Variants in ERAL1 observed in about 807,000 individuals in gnomAD.
The protein encoded by ERAL1 is Era like 12S mitochondrial rRNA chaperone 1.
ERAL1 carries 36 observed loss-of-function variants against 53.6 expected under a neutral mutation model. The ratio of observed to expected loss-of-function variants is 0.67; its 90% confidence interval spans 0.51 to 0.89. The LOEUF is 0.89. Among genes scored for constraint, ERAL1 ranks in the 40% least tolerant of loss-of-function variants. The pLI, the probability that ERAL1 is intolerant of heterozygous loss-of-function variation, is 0.00. For missense variants in ERAL1, 512 were observed against 537.5 expected (o/e 0.95, Z 0.47); for synonymous variants, 215 against 211.8 (o/e 1.02, Z -0.13).
rs1331264074 is a variant in ERAL1, at chr17:28,855,070, T to A, written c.36T>A (p.Val12=). Residue 12 remains valine, a synonymous_variant, in exon 1 of 10, where the codon GTT becomes GTA. Coordinates refer to ENST00000254928, the MANE Select transcript of ERAL1 (RefSeq NM_005702.4). ...AAPSWRGARL[V]QSVLRVWQVG... is the part of the protein sequence containing the mutation. ...CCAGCTGGCGCGGGGCTAGGCTTGT[T>A]CAATCGGTGTTAAGAGTCTGGCAGG... 1.2e-6 allele frequency: 2 copies of A among 1,612,150 alleles called. No homozygotes were observed. The highest frequency in any genetic ancestry group is 1.7e-6 in the Non-Finnish European group (2 of 1,178,648).
Position 28,856,582 on chromosome 17 carries a change from G to T in ERAL1, c.489G>T (p.Val163=), listed in dbSNP as rs757377363. Residue 163 remains valine (V), a splice_region_variant and synonymous_variant, in exon 3 of 10, where the codon GTG becomes GTT. Coordinates refer to ENST00000254928, the MANE Select transcript of ERAL1 (RefSeq NM_005702.4). ...TCATCACAGAGAAGGAGACCCAGGTGGTGGGTACCTACAAAGGGAGTCCTT... is the reference window on the plus strand; with the variant it reads ...TCATCACAGAGAAGGAGACCCAGGTTGTGGGTACCTACAAAGGGAGTCCTT... The part of the protein sequence containing the change: ...LGVITEKETQ[V]ILLDTPGIIS... 2 of 1,613,978 alleles carry T rather than the reference G, an allele frequency of 1.2e-6. No individual in the cohort carries two copies. Among genetic ancestry groups the T allele is most frequent in the Non-Finnish European group, 8.5e-7 (1 of 1,179,892 alleles).
intron 3 of ERAL1, among the ~76,000 whole-genome samples, chr17:28,857,257 G>A (rs572806561): frequency 4.6e-5 from 7 of 151,446 alleles, no homozygotes; most frequent in African/African-American, 1.2e-4. Flanking sequence ...ACAGGCATGC[G>A]CCACCACGCC....
At chr17:28,857,577 A>T (rs1428855208) in intron 3 of ERAL1, among the ~76,000 whole-genome samples, 1 of 151,404 alleles carries the variant, frequency 6.6e-6, no homozygotes, top group Non-Finnish European at 1.5e-5. Flanking sequence ...ATCACTTGAG[A>T]TCAGGAGTTC....
At chr17:28,857,867 GT>G in intron 3 of ERAL1, 71 bp from the exon 4 acceptor site, 1 of 1,534,994 alleles carries the variant, frequency 6.5e-7, no homozygotes, top group Non-Finnish European at 9.0e-7. Flanking sequence ...GACATCACAG[GT>G]AGCCTCTCTC....
In ERAL1 at chr17:28,860,773, C is replaced by G. The variant is rs1044866617; in HGVS notation, c.*220C>G. Reference sequence around the variant, plus strand: ...TTAGCTCAGTTTCCAGGTGGTTCCTCTGCCTGGCACCACAGCTACAAAGGT... The same window carrying G: ...TTAGCTCAGTTTCCAGGTGGTTCCTGTGCCTGGCACCACAGCTACAAAGGT... On this transcript the variant is annotated 3_prime_UTR_variant, in exon 10 of 10. Transcript: ENST00000254928. 1 of 392,980 alleles carries G rather than the reference C, an allele frequency of 2.5e-6. No homozygotes were observed. Among genetic ancestry groups the G allele is most frequent in the Non-Finnish European group, 4.4e-6 (1 of 224,906 alleles). 24.3% of individuals were successfully genotyped at this position (392,980 alleles called of 1,614,324 possible). A position where few individuals can be genotyped will look rare whatever the true frequency, so the allele number is the denominator to read the frequency against.
chr17:28,860,279 C>T lies in ERAL1; in HGVS notation c.1192-152C>T. 7.1e-6 allele frequency: 6 copies of T among 841,126 alleles called. No individual in the cohort carries two copies. In the East Asian group the frequency reaches 1.0e-4, roughly 14 times the overall value. The allele number at this position is 841,126 out of a possible 1,614,324, so 52.1% of individuals were successfully genotyped here. ...GGCGTGAGCCACTGCGCCCGGCCACCCTCTCTTTTTTTTAAAGAGGGGTCG... is the reference window on the plus strand; with the variant it reads ...GGCGTGAGCCACTGCGCCCGGCCACTCTCTCTTTTTTTTAAAGAGGGGTCG... On this transcript the variant is annotated intron_variant, in intron 9 of 9. Coordinates refer to ENST00000254928, the MANE Select transcript of ERAL1 (RefSeq NM_005702.4).
At position 28,859,272 on chromosome 17, in the gene ERAL1, G is replaced by A; in HGVS notation, c.1180G>A (p.Glu394Lys). Residue 394 changes from glutamate (E) to lysine (K), a missense_variant, in exon 9 of 10, where the codon GAA (glutamate) becomes AAA (lysine). Glu to Lys is a moderately conservative substitution (Grantham distance 56). Transcript: ENST00000254928. The stretch of plus-strand genomic sequence containing the variant: ...CCAACAGAAGCTTCTGGTGCCCAAA[G>A]AATCTTATGTGGTAAGTGAGACTAG... Reference protein sequence around the residue: ...VIQQKLLVPKESYVKLLIGPK... With the variant: ...VIQQKLLVPKKSYVKLLIGPK... 6.2e-7 allele frequency: 1 copy of A among 1,614,146 alleles called. No individual in the cohort carries two copies. The highest frequency in any genetic ancestry group is 1.7e-5 in the Admixed American group (1 of 60,014).
At chr17:28,860,400 C>T in intron 9 of ERAL1, 31 bp from the exon 10 acceptor site, 2 of 1,609,470 alleles carry the variant, frequency 1.2e-6, no homozygotes, top group Non-Finnish European at 1.7e-6. Context: ...TGCCATCATT[C>T]CTGGCTTCCT....
Position 28,860,633 on chromosome 17 carries a change from C to T in ERAL1, c.*80C>T. 2 of 1,478,076 alleles carry T rather than the reference C, an allele frequency of 1.4e-6. No homozygotes were observed. Among genetic ancestry groups the T allele is most frequent in the Non-Finnish European group, 1.8e-6 (2 of 1,116,432 alleles). 91.6% of individuals were successfully genotyped at this position (1,478,076 alleles called of 1,614,324 possible). A position where few individuals can be genotyped will look rare whatever the true frequency, so the allele number is the denominator to read the frequency against. On this transcript the variant is annotated 3_prime_UTR_variant, in exon 10 of 10. Coordinates refer to ENST00000254928, the MANE Select transcript of ERAL1 (RefSeq NM_005702.4). Reference sequence around the variant, plus strand: ...GACCAGTTCTGTCCTTGGCTGGGGACCCTCCAGGCACTGGTGAGAGACATG... The same window carrying T: ...GACCAGTTCTGTCCTTGGCTGGGGATCCTCCAGGCACTGGTGAGAGACATG...
intron 1 of ERAL1, 49 bp from the exon 2 acceptor site, chr17:28,856,215 G>A (rs1284556891): frequency 6.2e-7 from 1 of 1,607,332 alleles, no homozygotes; most frequent in Admixed American, 1.7e-5. Flanking sequence ...GCACTTGACA[G>A]GAAATCCAGA....
chr17:28,857,855 C>T, intron 3 of ERAL1, 84 bp from the exon 4 acceptor site: 1 of 1,476,098 alleles, frequency 6.8e-7, no homozygotes, highest in Non-Finnish European at 9.5e-7. Flanking sequence ...GGGCAGGCTC[C>T]TGACATCACA....
Position 28,855,091 on chromosome 17 carries a change from G to T in ERAL1, c.57G>T (p.Trp19Cys), listed in dbSNP as rs751959320. The T allele has an allele frequency of 6.8e-6, 11 of 1,614,148 alleles. No individual in the cohort carries two copies. The highest frequency in any genetic ancestry group is 4.4e-5 in the South Asian group (4 of 91,080). Residue 19 changes from tryptophan to cysteine, a missense_variant, in exon 1 of 10, where the codon TGG becomes TGT. Physicochemically the swap from Trp to Cys is radical, Grantham distance 215. Transcript: ENST00000254928. ...TTGTTCAATCGGTGTTAAGAGTCTG[G>T]CAGGTGGGCCCTCATGTCGCGAGGG... is the stretch of plus-strand genomic sequence containing the variant. ...ARLVQSVLRV[W>C]QVGPHVARER...
intron 7 of ERAL1, 40 bp downstream of exon 7, chr17:28,858,864 C>T (rs1302975841): frequency 6.2e-7 from 1 of 1,613,410 alleles, no homozygotes; most frequent in Non-Finnish European, 8.5e-7. Context: ...TTGGTTTCTA[C>T]CATATGAAGA....
chr17:28,856,462 G>A, intron 2 of ERAL1, 43 bp from the exon 3 acceptor site: 14 of 1,613,624 alleles, frequency 8.7e-6, no homozygotes, highest in Non-Finnish European at 1.2e-5. Flanking sequence ...GGATGGTCTT[G>A]GAGGGATCTG....
rs754060134 is a variant in ERAL1 at position 28,855,065 on chromosome 17, C to T, written c.31C>T (p.Leu11Phe). Residue 11 changes from leucine to phenylalanine, a missense_variant, in exon 1 of 10, where the codon CTT becomes TTT. By Grantham distance (22) the Leu-to-Phe change is conservative. Transcript: ENST00000254928. Reference protein sequence around the residue: MAAPSWRGARLVQSVLRVWQV... With the variant: MAAPSWRGARFVQSVLRVWQV... ...TGCCCCCAGCTGGCGCGGGGCTAGG[C>T]TTGTTCAATCGGTGTTAAGAGTCTG... 2.2e-5 allele frequency: 35 copies of T among 1,611,138 alleles called. No homozygotes were observed. Among genetic ancestry groups the T allele is most frequent in the Non-Finnish European group, 2.5e-6 (3 of 1,178,068 alleles).
At position 28,859,055 on chromosome 17, in the gene ERAL1, T is replaced by A; in HGVS notation, c.1052T>A (p.Ile351Asn). 2.5e-6 allele frequency: 4 copies of A among 1,614,164 alleles called. No individual in the cohort carries two copies. Among genetic ancestry groups the A allele is most frequent in the Non-Finnish European group, 3.4e-6 (4 of 1,180,036 alleles). The change falls in exon 8 of 10, where the codon ATT (isoleucine) becomes AAT (asparagine). Residue 351 changes from isoleucine (I) to asparagine (N), a missense_variant. Physicochemically the swap from Ile to Asn is moderately radical, Grantham distance 149 (BLOSUM62 -3). Transcript: ENST00000254928. ...SQTPEEICAN[I>N]IREKLLEHLP... Reference sequence around the variant, plus strand: ...ACACCAGAAGAGATCTGTGCCAACATTATCCGAGAGAAGCTCCTAGAACAC... The same window carrying A: ...ACACCAGAAGAGATCTGTGCCAACAATATCCGAGAGAAGCTCCTAGAACAC...
intron 6 of ERAL1, 27 bp downstream of exon 6, chr17:28,858,513 G>T (rs568931390): frequency 6.2e-7 from 1 of 1,614,066 alleles, no homozygotes; most frequent in East Asian, 2.2e-5. Flanking sequence ...TGAGGAAGGG[G>T]TCTACTTCCC....
Position 28,860,808 on chromosome 17 carries a change from A to C in ERAL1, c.*255A>C. Reference sequence around the variant, plus strand: ...CCACAGCTACAAAGGTGTAGCTAAGAAGATGGCCCATTGGTGGGAGCAATG... The same window carrying C: ...CCACAGCTACAAAGGTGTAGCTAAGCAGATGGCCCATTGGTGGGAGCAATG... On this transcript the variant is annotated 3_prime_UTR_variant, in exon 10 of 10. Transcript: ENST00000254928. The C allele has an allele frequency of 3.5e-6, 1 of 288,274 alleles. No homozygotes were observed. 17.9% of individuals were successfully genotyped at this position (288,274 alleles called of 1,614,324 possible).
chr17:28,859,352 G>T, intron 9 of ERAL1, 69 bp downstream of exon 9: 2 of 1,458,112 alleles, frequency 1.4e-6, no homozygotes, highest in Non-Finnish European at 1.9e-6. Flanking sequence ...CCAGCTTGGA[G>T]CCCTGAGAGC....
Sources: allele counts gnomAD v4.1 joint callset (sites outside exome capture counted in the v4.1 genomes callset), GRCh38; gene constraint gnomAD v4.1.1; transcripts MANE v1.5; gene names NCBI Gene and HGNC (gene_info 2026-07-23, HGNC 2026-07-21).